CTNND1: variants seen among roughly 807,000 people sequenced by gnomAD.
CTNND1 encodes catenin delta 1.
Under a neutral mutation model 112.1 loss-of-function variants are expected in CTNND1, and 16 were observed. That is an observed-to-expected ratio of 0.14 (90% confidence interval 0.10 to 0.22). The LOEUF (loss-of-function observed/expected upper bound fraction) is 0.22. Among genes scored for constraint, CTNND1 ranks in the 10% least tolerant of loss-of-function variants. The pLI is 1.00. For synonymous variants in CTNND1, 420 were observed against 446.5 expected (o/e 0.94, Z 0.75); for missense variants, 1,008 against 1,257.0 (o/e 0.80, Z 3.00).
At position 57,808,200 on chromosome 11, in the gene CTNND1, A is replaced by T; in HGVS notation, c.1999A>T (p.Ile667Leu). 6.2e-7 allele frequency: 1 copy of T among 1,613,732 alleles called. No individual in the cohort carries two copies. Among genetic ancestry groups the T allele is most frequent in the Non-Finnish European group, 8.5e-7 (1 of 1,179,716 alleles). Residue 667 changes from isoleucine (I) to leucine (L), a missense_variant, in exon 13 of 21, where the codon ATA becomes TTA. This residue lies in a region of CTNND1 where 254 missense variants were observed against 279.5 expected (regional missense o/e 0.91). Transcript: ENST00000399050. ...ELLFQPEVVRIYISLLKESKT... is the reference protein window; with the variant it reads ...ELLFQPEVVRLYISLLKESKT... The stretch of plus-strand genomic sequence containing the variant: ...CTTATTTCAGCCAGAGGTGGTTCGG[A>T]TATACATCTCACTTCTTAAGGAGAG...
chr11:57,787,929 A>G (rs2060304761), intron 1 of CTNND1, among the ~76,000 whole-genome samples: 1 of 152,230 alleles, frequency 6.6e-6, no homozygotes, highest in Non-Finnish European at 1.5e-5. Flanking sequence ...AACCTTCTTC[A>G]CTGAATTTAA....
At position 57,801,781 on chromosome 11, in the gene CTNND1, C is replaced by T. The variant is rs2137121712; in HGVS notation, c.1005C>T (p.Tyr335=). ...IGEEVPSDQY[Y]WAPLAQHERG... ...AGGAGGTGCCATCGGATCAATACTA[C>T]TGGGCTCCTTTGGCCCAGCATGAGC... The change falls in exon 7 of 21, where the codon TAC becomes TAT. Residue 335 remains tyrosine (Y), a synonymous_variant. Coordinates refer to ENST00000399050, the MANE Select transcript of CTNND1 (RefSeq NM_001085458.2). 1.2e-6 allele frequency: 2 copies of T among 1,613,986 alleles called. No individual in the cohort carries two copies. Among genetic ancestry groups the T allele is most frequent in the Non-Finnish European group, 1.7e-6 (2 of 1,179,870 alleles).
At chr11:57,778,960 T>A (rs1424334161) in intron 1 of CTNND1, among the ~76,000 whole-genome samples, 2 of 152,196 alleles carry the variant, frequency 1.3e-5, no homozygotes, top group Non-Finnish European at 1.5e-5. Flanking sequence ...TGTGGCCTTT[T>A]GCGTTTTAGC....
chr11:57,803,307 C>A (rs941643067), intron 7 of CTNND1, among the ~76,000 whole-genome samples: 3 of 152,194 alleles, frequency 2.0e-5, no homozygotes, highest in Non-Finnish European at 4.4e-5. Context: ...CCAGGATGGT[C>A]TTGATCTCCC....
chr11:57,794,053 T>C lies in CTNND1; in HGVS notation c.239T>C (p.Phe80Ser), dbSNP rs2061065785. 6.2e-7 allele frequency: 1 copy of C among 1,613,972 alleles called. No individual in the cohort carries two copies. Among genetic ancestry groups the C allele is most frequent in the Non-Finnish European group, 8.5e-7 (1 of 1,179,890 alleles). ...VGDADLERQK[F>S]SDLKLNGPQD... ...GATGCTGACCTTGAAAGACAGAAAT[T>C]TTCAGATTTGAAACTCAACGGACCC... The change falls in exon 4 of 21, where the codon TTT (phenylalanine) becomes TCT (serine). Residue 80 changes from phenylalanine to serine, a missense_variant. Phe to Ser is a radical substitution (Grantham distance 155). Transcript: ENST00000399050.
chr11:57,792,493 C>T (rs560458907), intron 3 of CTNND1, among the ~76,000 whole-genome samples: 8 of 152,316 alleles, frequency 5.3e-5, no homozygotes, highest in African/African-American at 1.2e-4. Flanking sequence ...TTGCATCTTA[C>T]GAGAGATCTC....
chr11:57,787,556 A>G (rs565639931), intron 1 of CTNND1, among the ~76,000 whole-genome samples: 19 of 152,304 alleles, frequency 1.2e-4, no homozygotes, highest in African/African-American at 4.3e-4. Context: ...GGGAAGCAGC[A>G]ATTTTTTTTC....
In CTNND1 at chr11:57,817,932, C is replaced by T. The variant is rs556761258; in HGVS notation, c.*1624C>T. On this transcript the variant is annotated 3_prime_UTR_variant, in exon 21 of 21. Coordinates refer to ENST00000399050, the MANE Select transcript of CTNND1 (RefSeq NM_001085458.2). ...GTTCCATGCAACTGGAGTTCCTTAT[C>T]CCTCTCTTCCCCTTCCCTTATATAT... is the stretch of plus-strand genomic sequence containing the variant. 6.6e-6 allele frequency: 1 copy of T among 152,620 alleles called. No homozygotes were observed. The highest frequency in any genetic ancestry group is 1.9e-4 in the East Asian group (1 of 5,186). The allele number at this position is 152,620 out of a possible 1,614,324, so 9.5% of individuals were successfully genotyped here.
chr11:57,800,220 T>A (rs1261782538), intron 6 of CTNND1, among the ~76,000 whole-genome samples: 2 of 152,146 alleles, frequency 1.3e-5, no homozygotes, highest in African/African-American at 4.8e-5. Flanking sequence ...ACCAGCTGTT[T>A]GGGCATTTTT....
Position 57,811,420 on chromosome 11 carries a change from C to G in CTNND1, c.2572C>G (p.Arg858Gly). Reference protein sequence around the residue: ...DFQVNLNNASRSQSSHSYDDS... With the variant: ...DFQVNLNNASGSQSSHSYDDS... Reference sequence around the variant, plus strand: ...CTAGGTGAATCTAAACAATGCTTCCCGAAGCCAGAGCAGTCATTCATATGA... The same window carrying G: ...CTAGGTGAATCTAAACAATGCTTCCGGAAGCCAGAGCAGTCATTCATATGA... The change falls in exon 17 of 21, where the codon CGA (arginine) becomes GGA (glycine). Residue 858 changes from arginine to glycine, a missense_variant. Transcript: ENST00000399050. 1.2e-6 allele frequency: 2 copies of G among 1,613,286 alleles called. No individual in the cohort carries two copies. Among genetic ancestry groups the G allele is most frequent in the Non-Finnish European group, 8.5e-7 (1 of 1,179,638 alleles).
intron 14 of CTNND1, 53 bp from the exon 15 acceptor site, chr11:57,809,221 C>A: frequency 7.5e-7 from 1 of 1,332,728 alleles, no homozygotes; most frequent in Non-Finnish European, 1.1e-6. Flanking sequence ...TAATGTAAGG[C>A]TCTTCATGAC....
At chr11:57,806,644 C>T in intron 11 of CTNND1, 166 bp downstream of exon 11, 1 of 673,606 alleles carries the variant, frequency 1.5e-6, no homozygotes, top group East Asian at 2.7e-5. Flanking sequence ...TAGCTCACGG[C>T]ATGCTGTTTC....
intron 1 of CTNND1, among the ~76,000 whole-genome samples, chr11:57,768,225 T>A (rs1951600061): frequency 6.6e-6 from 1 of 152,058 alleles, no homozygotes; most frequent in African/African-American, 2.4e-5. Context: ...AGCTAACTTT[T>A]AAATTTTTTT....
At chr11:57,805,803 CTGAGTCATGGAAACCTGTACT>C in intron 9 of CTNND1, 58 bp from the exon 10 acceptor site, 1 of 1,485,854 alleles carries the variant, frequency 6.7e-7, no homozygotes, top group Admixed American at 2.0e-5. Flanking sequence ...ATTTTAATAC[CTGAGTCATGGAAACCTGTACT>C]TGTGGAGAAA....
At chr11:57,806,781 T>C (rs993500736) in intron 11 of CTNND1, 134 bp from the exon 12 acceptor site, 1 of 749,024 alleles carries the variant, frequency 1.3e-6, no homozygotes, top group African/African-American at 1.8e-5. Flanking sequence ...CAAGTTGCCC[T>C]CACCTGCCCC....
intron 1 of CTNND1, among the ~76,000 whole-genome samples, chr11:57,785,874 C>T (rs1248458207): frequency 6.6e-6 from 1 of 151,606 alleles, no homozygotes; most frequent in Non-Finnish European, 1.5e-5. Flanking sequence ...TTTTTTGGAC[C>T]TCCTATCTGG....
intron 5 of CTNND1, among the ~76,000 whole-genome samples, chr11:57,795,933 A>G (rs964488408): frequency 4.6e-5 from 7 of 152,216 alleles, no homozygotes; most frequent in Non-Finnish European, 1.0e-4. Context: ...ATCAGGGTCT[A>G]TAGTAGCTTC....
At chr11:57,792,902 A>G (rs778388225) in intron 3 of CTNND1, among the ~76,000 whole-genome samples, 1 of 151,420 alleles carries the variant, frequency 6.6e-6, no homozygotes, top group African/African-American at 2.4e-5. Flanking sequence ...GAGAGAGAAC[A>G]GAATTCCAGT....
rs2061383168 is a variant in CTNND1 at position 57,796,526 on chromosome 11, C to T, written c.490C>T (p.Pro164Ser). 1 of 1,613,798 alleles carries T rather than the reference C, an allele frequency of 6.2e-7. No individual in the cohort carries two copies. Among genetic ancestry groups the T allele is most frequent in the African/African-American group, 1.3e-5 (1 of 74,908 alleles). ...QPVAMGPDGL[P>S]VDASSVSNNY... ...AGTCGCTATGGGACCAGACGGGTTG[C>T]CTGTGGATGCTTCATCAGTTTCTAA... The change falls in exon 6 of 21, where the codon CCT (proline) becomes TCT (serine). Residue 164 changes from proline (P) to serine (S), a missense_variant. Pro to Ser is a moderately conservative substitution (Grantham distance 74). This residue lies in a region of CTNND1 where 404 missense variants were observed against 457.9 expected (regional missense o/e 0.88). Transcript: ENST00000399050.
Sources: allele counts gnomAD v4.1 joint callset (sites outside exome capture counted in the v4.1 genomes callset), GRCh38; gene constraint gnomAD v4.1.1; regional missense constraint gnomAD v4.1.1; transcripts MANE v1.5; gene names NCBI Gene and HGNC (gene_info 2026-07-23, HGNC 2026-07-21).